Variants in CEP152 observed in about 807,000 individuals in gnomAD.
CEP152 encodes the protein centrosomal protein 152.
In CEP152, 132 loss-of-function variants were observed where a neutral mutation model predicts 188.9. That is an observed-to-expected ratio of 0.70 (90% CI 0.61 to 0.81). The LOEUF is 0.81. CEP152 is among the 30% of genes least tolerant of loss of function. The pLI is 0.00. For missense variants in CEP152, 1,914 were observed against 1,969.8 expected, an observed-to-expected ratio of 0.97 and a Z score of 0.54; for synonymous variants, 649 against 666.6, an observed-to-expected ratio of 0.97 and a Z score of 0.41.
intron 12 of CEP152, among the ~76,000 whole-genome samples, chr15:48,776,985 G>A (rs545948260): frequency 1.3e-5 from 2 of 152,164 alleles, no homozygotes; most frequent in South Asian, 2.1e-4. Context: ...CAAAACCCAT[G>A]AGAAAAACGT....
chr15:48,755,646 C>T (rs1894202068), intron 20 of CEP152, among the ~76,000 whole-genome samples: 1 of 151,992 alleles, frequency 6.6e-6, no homozygotes, highest in Non-Finnish European at 1.5e-5. Flanking sequence ...AGGTATTTGT[C>T]CTAAATATTC....
rs577612386 is a variant in CEP152, at chr15:48,786,413, G to T, written c.1174-2293C>A. Reference sequence around the variant, plus strand: ...AAAAAAAGAACTATTATAATATGTTGTGAGTGCATACAATCTTTTCTACCC... The same window carrying T: ...AAAAAAAGAACTATTATAATATGTTTTGAGTGCATACAATCTTTTCTACCC... On this transcript the variant is annotated intron_variant, in intron 9 of 26. Coordinates refer to ENST00000380950, the MANE Select transcript of CEP152 (RefSeq NM_001194998.2). 2.6e-5 allele frequency among the ~76,000 whole-genome samples: 4 copies of T among 152,058 alleles called. No individual in the cohort carries two copies. In the South Asian group the frequency reaches 8.3e-4, roughly 32 times the overall value.
At chr15:48,767,916 CT>C (rs921729911) in intron 15 of CEP152, among the ~76,000 whole-genome samples, 2 of 152,112 alleles carry the variant, frequency 1.3e-5, no homozygotes, top group Non-Finnish European at 2.9e-5. Flanking sequence ...CTCTCACAGA[CT>C]TTTTTCTTTA....
At position 48,732,887 on chromosome 15, in the gene CEP152, G is replaced by A. The variant is rs565473407; in HGVS notation, c.142+8744C>T. 4.6e-5 allele frequency among the ~76,000 whole-genome samples: 7 copies of A among 151,772 alleles called. No individual in the cohort carries two copies. In the East Asian group the frequency reaches 9.7e-4, roughly 21 times the overall value. On this transcript the variant is annotated intron_variant and NMD_transcript_variant, in intron 2 of 3. Transcript: ENST00000561245. The stretch of plus-strand genomic sequence containing the variant: ...CAGCACTTTGGGAGGCCAGGAGTTC[G>A]AGATCAGCCTGGGCAACATGGTGAG...
chr15:48,734,140 C>T (rs540817617), downstream of CEP152, among the ~76,000 whole-genome samples: 1 of 151,466 alleles, frequency 6.6e-6, no homozygotes, highest in Non-Finnish European at 1.5e-5. Flanking sequence ...CTATTAAATT[C>T]TTTAGAAGAC....
rs200764200 is a variant in CEP152, at chr15:48,744,303, A to G, written c.3772T>C (p.Cys1258Arg). The change falls in exon 24 of 27, where the codon TGC becomes CGC. Residue 1258 changes from cysteine to arginine, a missense_variant. Physicochemically the swap from Cys to Arg is radical, Grantham distance 180. Coordinates refer to ENST00000380950, the MANE Select transcript of CEP152 (RefSeq NM_001194998.2). Reference protein sequence around the residue: ...AGAIENACLPCSGGALEELRG... With the variant: ...AGAIENACLPRSGGALEELRG... ...AGTTCTTCCAAGGCTCCCCCACTGCATGGCAGGCAAGCATTTTCAATGGCC... is the reference window on the plus strand; with the variant it reads ...AGTTCTTCCAAGGCTCCCCCACTGCGTGGCAGGCAAGCATTTTCAATGGCC... 1.5e-4 allele frequency: 250 copies of G among 1,614,090 alleles called. 1 individual carries two copies. The highest frequency in any genetic ancestry group is 1.9e-4 in the Non-Finnish European group (220 of 1,179,968).
chr15:48,805,483 G>T, intron 2 of CEP152, 80 bp downstream of exon 2: 1 of 1,498,252 alleles, frequency 6.7e-7, no homozygotes, highest in Non-Finnish European at 8.9e-7. Flanking sequence ...GACACAAGAT[G>T]ATACAATTTT....
At position 48,782,215 on chromosome 15, in the gene CEP152, A is replaced by C. The variant is rs1299818297; in HGVS notation, c.1337T>G (p.Val446Gly). 3 of 1,613,732 alleles carry C rather than the reference A, an allele frequency of 1.9e-6. No individual in the cohort carries two copies. Among genetic ancestry groups the C allele is most frequent in the Non-Finnish European group, 2.5e-6 (3 of 1,179,830 alleles). Residue 446 changes from valine to glycine, a missense_variant, in exon 11 of 27, where the codon GTG (valine) becomes GGG (glycine). Val to Gly is a moderately radical substitution (Grantham distance 109). Coordinates refer to ENST00000380950, the MANE Select transcript of CEP152 (RefSeq NM_001194998.2). ...HLLQSGSVQE[V>G]AQLQFQLQQA... is the part of the protein sequence containing the mutation. ...CTGCAGCTGGAACTGTAGCTGAGCCACCTCTTGTACTGACCCTGCAGAGGA... is the reference window on the plus strand; with the variant it reads ...CTGCAGCTGGAACTGTAGCTGAGCCCCCTCTTGTACTGACCCTGCAGAGGA...
chr15:48,787,838 G>C (rs1186292007), intron 9 of CEP152, among the ~76,000 whole-genome samples: 1 of 152,146 alleles, frequency 6.6e-6, no homozygotes, highest in Non-Finnish European at 1.5e-5. Context: ...ATTACCTAGA[G>C]TTATGGAGCA....
intron 18 of CEP152, among the ~76,000 whole-genome samples, chr15:48,761,621 C>T (rs532991723): frequency 3.6e-4 from 55 of 152,220 alleles, no homozygotes; most frequent in African/African-American, 1.2e-3. Context: ...GGAATGTGTG[C>T]TTGGGTATTT....
chr15:48,795,027 A>G (rs1200034114), intron 6 of CEP152, among the ~76,000 whole-genome samples: 3 of 152,186 alleles, frequency 2.0e-5, no homozygotes, highest in Non-Finnish European at 4.4e-5. Context: ...TTCCCCTACT[A>G]ATTAAAGGGA....
chr15:48,768,564 A>G (rs1317106300), intron 14 of CEP152, among the ~76,000 whole-genome samples: 1 of 152,212 alleles, frequency 6.6e-6, no homozygotes, highest in Non-Finnish European at 1.5e-5. Context: ...TTTTGTATTT[A>G]CTTTGAAATA....
chr15:48,801,099 A>T (rs1423287147), intron 2 of CEP152, among the ~76,000 whole-genome samples: 1 of 152,216 alleles, frequency 6.6e-6, no homozygotes, highest in Non-Finnish European at 1.5e-5. Context: ...TCCCAAGAGA[A>T]AGGGTAGCAA....
chr15:48,759,315 T>C (rs558021699), intron 19 of CEP152, among the ~76,000 whole-genome samples: 146 of 152,338 alleles, frequency 9.6e-4, no homozygotes, highest in South Asian at 6.0e-3. Flanking sequence ...CTAGAATTTA[T>C]TGTGATACAC....
At chr15:48,764,092 A>G (rs8035547) in intron 17 of CEP152, among the ~76,000 whole-genome samples, 50,059 of 152,056 alleles carry the variant, frequency 0.33, 11,475 homozygotes, top group East Asian at 0.63. Flanking sequence ...GGTAAAATGG[A>G]TGATTATGTA....
chr15:48,781,080 A>G lies in CEP152; in HGVS notation c.1577+116T>C, dbSNP rs80089168. The G allele has an allele frequency of 2.6e-3, 2,316 of 896,056 alleles. 52 individuals are homozygous for G. In the African/African-American group the frequency reaches 0.035, roughly 14 times the overall value. The allele number at this position is 896,056 out of a possible 1,614,324, so 55.5% of individuals were successfully genotyped here. ...TGATAAATGCAAGGTATCTGCATTC[A>G]ATACACAGTGTTAACATATGAAAAT... On this transcript the variant is annotated intron_variant, in intron 12 of 26. Transcript: ENST00000380950.
intron 21 of CEP152, among the ~76,000 whole-genome samples, chr15:48,749,866 G>A (rs1420296593): frequency 6.6e-6 from 1 of 151,844 alleles, no homozygotes; most frequent in Admixed American, 6.6e-5. Flanking sequence ...GACATTATTG[G>A]GTCAATTGAC....
At chr15:48,744,538 T>C (rs1162963302) in intron 23 of CEP152, among the ~76,000 whole-genome samples, 195 bp from the exon 24 acceptor site, 1 of 152,134 alleles carries the variant, frequency 6.6e-6, no homozygotes, top group Non-Finnish European at 1.5e-5. Context: ...GTTGCTTCAA[T>C]AAATAACAGT....
rs181731211 is a variant in CEP152 at position 48,742,927 on chromosome 15, A to C, written c.3836-827T>G. On this transcript the variant is annotated intron_variant, in intron 24 of 26. Transcript: ENST00000380950. Reference sequence around the variant, plus strand: ...CCTGTTAATGTCAGTAAGCATCTGAAAATTAGTGGTTCTATGCAAAAATAC... The same window carrying C: ...CCTGTTAATGTCAGTAAGCATCTGACAATTAGTGGTTCTATGCAAAAATAC... 4.0e-3 allele frequency among the ~76,000 whole-genome samples: 615 copies of C among 152,300 alleles called. 3 individuals carry two copies. Among genetic ancestry groups the C allele is most frequent in the Middle Eastern group, 0.014 (4 of 294 alleles).
Sources: gnomAD v4.1 joint callset for allele counts (sites outside exome capture counted in the v4.1 genomes callset) on GRCh38, gnomAD v4.1.1 for gene constraint, MANE v1.5 for transcripts, NCBI Gene and HGNC (gene_info 2026-07-23, HGNC 2026-07-21) for gene names.